Variants in NOL4 observed in about 807,000 individuals in gnomAD.
The protein encoded by NOL4 is cancer/testis antigen 125.
NOL4 carries 17 observed loss-of-function variants against 75.9 expected under a neutral mutation model. The observed-to-expected ratio is 0.22, with a 90% CI of 0.15 to 0.34. The LOEUF is 0.34. Ranked by LOEUF, NOL4 falls within the 10% of genes least tolerant of loss-of-function variation. The pLI is 1.00. For synonymous variants in NOL4, 292 were observed against 289.9 expected, an observed-to-expected ratio of 1.01 and a Z score of -0.07; for missense variants, 614 against 793.5, an observed-to-expected ratio of 0.77 and a Z score of 2.72.
chr18:34,016,962 G>A (rs2074733335), intron 6 of NOL4, among the ~76,000 whole-genome samples: 1 of 152,044 alleles, frequency 6.6e-6, no homozygotes, highest in Non-Finnish European at 1.5e-5. Context: ...AATGCCATGA[G>A]GAAGTGATAA....
chr18:34,081,859 CAGGGCAATTATTGTCA>C (rs2078025228), intron 5 of NOL4, among the ~76,000 whole-genome samples: 1 of 152,068 alleles, frequency 6.6e-6, no homozygotes, highest in Non-Finnish European at 1.5e-5. Flanking sequence ...ATTTTAAACA[CAGGGCAATTATTGTCA>C]AGAGAGATTA....
intron 10 of NOL4, among the ~76,000 whole-genome samples, chr18:33,862,374 T>A (rs554791252): frequency 2.0e-5 from 3 of 152,082 alleles, no homozygotes; most frequent in Non-Finnish European, 4.4e-5. Context: ...GGATTTCATG[T>A]CTAAAACACC....
intron 5 of NOL4, 87 bp from the exon 6 acceptor site, chr18:34,019,688 T>C (rs1383582265): frequency 6.8e-6 from 8 of 1,171,374 alleles, no homozygotes; most frequent in Non-Finnish European, 9.7e-6. Context: ...GCTCCCATTA[T>C]ATGAATGGCA....
intron 6 of NOL4, among the ~76,000 whole-genome samples, chr18:33,986,427 G>A (rs1029529565): frequency 6.6e-6 from 1 of 152,110 alleles, no homozygotes; most frequent in Admixed American, 6.6e-5. Context: ...TGGGCAGAAG[G>A]CATGTATAGT....
chr18:33,896,670 G>A (rs2065429479), intron 9 of NOL4, among the ~76,000 whole-genome samples: 1 of 152,096 alleles, frequency 6.6e-6, no homozygotes, highest in Admixed American at 6.6e-5. Context: ...CCAAGCCTTG[G>A]AAGACAACTT....
chr18:33,898,681 A>AATT (rs1465125828), intron 9 of NOL4, among the ~76,000 whole-genome samples: 1 of 152,128 alleles, frequency 6.6e-6, no homozygotes, highest in Admixed American at 6.6e-5. Flanking sequence ...CTCTCATTTG[A>AATT]ATTATTGTGA....
intron 6 of NOL4, among the ~76,000 whole-genome samples, chr18:33,967,853 C>T (rs910035458): frequency 6.6e-5 from 10 of 151,958 alleles, no homozygotes; most frequent in Admixed American, 4.6e-4. Flanking sequence ...CTTGGGGGGC[C>T]GAGGCAGGCG....
intron 1 of NOL4, among the ~76,000 whole-genome samples, chr18:34,215,984 T>C: frequency 6.6e-6 from 1 of 152,170 alleles, no homozygotes; most frequent in Non-Finnish European, 1.5e-5. Context: ...TTTTTCAAAT[T>C]GTTATATATT....
At chr18:33,871,764 G>A (rs2063711617) in intron 10 of NOL4, among the ~76,000 whole-genome samples, 1 of 151,968 alleles carries the variant, frequency 6.6e-6, no homozygotes, top group Non-Finnish European at 1.5e-5. Context: ...CTTTTAGGAA[G>A]CTGCTGCCAG....
At chr18:33,961,820 G>T (rs17747839) in intron 6 of NOL4, among the ~76,000 whole-genome samples, 5,961 of 152,138 alleles carry the variant, frequency 0.039, 144 homozygotes, top group Middle Eastern at 0.068. Flanking sequence ...AAAATGTTGA[G>T]TTTTGGAATC....
intron 1 of NOL4, among the ~76,000 whole-genome samples, chr18:34,178,230 A>T (rs1359069627): frequency 6.6e-6 from 1 of 151,828 alleles, no homozygotes; most frequent in Non-Finnish European, 1.5e-5. Context: ...CACTAAGAAA[A>T]TAACTCAAAA....
At chr18:33,878,838 C>T (rs114064396) in intron 10 of NOL4, among the ~76,000 whole-genome samples, 2,222 of 152,180 alleles carry the variant, frequency 0.015, 47 homozygotes, top group African/African-American at 0.051. Flanking sequence ...ACTGATTTTA[C>T]ATCTGTGTCT....
intron 9 of NOL4, among the ~76,000 whole-genome samples, chr18:33,905,707 T>C (rs2065995738): frequency 6.6e-6 from 1 of 152,170 alleles, no homozygotes; most frequent in Non-Finnish European, 1.5e-5. Context: ...TACAACTATA[T>C]GCTGTATATC....
chr18:34,171,974 C>A (rs981888830), intron 1 of NOL4, among the ~76,000 whole-genome samples: 2 of 151,994 alleles, frequency 1.3e-5, no homozygotes, highest in Admixed American at 6.6e-5. Context: ...CAATACCCAG[C>A]AATGAAGCCT....
At chr18:34,053,790 G>T (rs1317980505) in intron 5 of NOL4, among the ~76,000 whole-genome samples, 1 of 151,742 alleles carries the variant, frequency 6.6e-6, no homozygotes, top group East Asian at 1.9e-4. Flanking sequence ...TTTTAACACA[G>T]TTTTTGAATT....
chr18:34,058,196 C>G (rs995385503), intron 5 of NOL4, among the ~76,000 whole-genome samples: 1 of 152,026 alleles, frequency 6.6e-6, no homozygotes, highest in Non-Finnish European at 1.5e-5. Context: ...TGCAATGGCA[C>G]GATCTCGGCT....
At chr18:34,146,401 G>C (rs2081392532) in intron 1 of NOL4, among the ~76,000 whole-genome samples, 1 of 152,070 alleles carries the variant, frequency 6.6e-6, no homozygotes, top group African/African-American at 2.4e-5. Flanking sequence ...GTTAATTTTT[G>C]TATAAGGTGT....
chr18:33,970,058 C>T (rs906139448), intron 6 of NOL4, among the ~76,000 whole-genome samples: 1 of 152,082 alleles, frequency 6.6e-6, no homozygotes, highest in Admixed American at 6.6e-5. Flanking sequence ...ACAGTGGGGT[C>T]CAAGAATTTT....
chr18:33,878,546 T>C (rs1175334075), intron 10 of NOL4, among the ~76,000 whole-genome samples: 2 of 152,078 alleles, frequency 1.3e-5, no homozygotes, highest in East Asian at 1.9e-4. Flanking sequence ...TCATTTTGCA[T>C]TGAGCCCCCA....
Sources: allele counts gnomAD v4.1 joint callset (sites outside exome capture counted in the v4.1 genomes callset), GRCh38; gene constraint gnomAD v4.1.1; transcripts MANE v1.5; gene names NCBI Gene and HGNC (gene_info 2026-07-23, HGNC 2026-07-21).